ALMS1: variants seen among roughly 807,000 people sequenced by gnomAD.
The protein encoded by ALMS1 is centrosome-associated protein ALMS1.
ALMS1 carries 271 observed loss-of-function variants against 352.2 expected under a neutral mutation model. The observed-to-expected ratio is 0.77, with a 90% CI of 0.70 to 0.85. ALMS1 has a LOEUF of 0.85. Among genes scored for constraint, ALMS1 ranks in the 40% least tolerant of loss-of-function variants. ALMS1 has a pLI of 0.00. For missense variants in ALMS1, 5,445 were observed against 4,870.7 expected (o/e 1.12, Z -3.51); for synonymous variants, 1,865 against 1,761.2 (o/e 1.06, Z -1.48).
intron 10 of ALMS1, among the ~76,000 whole-genome samples, chr2:73,494,947 A>G (rs1194846834): frequency 6.6e-6 from 1 of 151,852 alleles, no homozygotes; most frequent in Non-Finnish European, 1.5e-5. Context: ...TGGTGTTTTA[A>G]TTTTTTTATG....
chr2:73,401,085 C>T (rs1269509523), intron 1 of ALMS1, among the ~76,000 whole-genome samples: 1 of 152,144 alleles, frequency 6.6e-6, no homozygotes, highest in East Asian at 1.9e-4. Flanking sequence ...CCATACCTGG[C>T]CTCATTTTTG....
chr2:73,572,934 A>C lies in ALMS1; in HGVS notation c.11057A>C (p.His3686Pro). 2 of 1,614,182 alleles carry C rather than the reference A, an allele frequency of 1.2e-6. No homozygotes were observed. The highest frequency in any genetic ancestry group is 1.6e-4 in the Middle Eastern group (1 of 6,062). The change falls in exon 16 of 23, where the codon CAT (histidine) becomes CCT (proline). Residue 3686 changes from histidine (H) to proline (P), a missense_variant. Physicochemically the swap from His to Pro is moderately conservative, Grantham distance 77. Coordinates refer to ENST00000613296, the MANE Select transcript of ALMS1 (RefSeq NM_001378454.1). ...CGGTTTAAAAGCCTAGAGAAAAGCC[A>C]TAAAAATACAGGCGAGCTTAAAAAA... Reference protein sequence around the residue: ...KKRFKSLEKSHKNTGELKKSK... With the variant: ...KKRFKSLEKSPKNTGELKKSK...
At chr2:73,462,116 T>G (rs1341114735) in intron 9 of ALMS1, among the ~76,000 whole-genome samples, 4 of 151,954 alleles carry the variant, frequency 2.6e-5, no homozygotes, top group Non-Finnish European at 5.9e-5. Flanking sequence ...GCCACAAAGA[T>G]ACTCCTCGAG....
At position 73,419,217 on chromosome 2, in the gene ALMS1, C is replaced by T. The variant is rs953812828; in HGVS notation, c.545C>T (p.Thr182Ile). 1.2e-6 allele frequency: 2 copies of T among 1,613,808 alleles called. No homozygotes were observed. Among genetic ancestry groups the T allele is most frequent in the Non-Finnish European group, 1.7e-6 (2 of 1,179,858 alleles). Residue 182 changes from threonine (T) to isoleucine (I), a missense_variant, in exon 3 of 23, where the codon ACT becomes ATT. Physicochemically the swap from Thr to Ile is moderately conservative, Grantham distance 89. Transcript: ENST00000613296. Reference protein sequence around the residue: ...QTRFNVRTEDTEVTDFPSLEE... With the variant: ...QTRFNVRTEDIEVTDFPSLEE... Reference sequence around the variant, plus strand: ...AGGTTTAATGTGAGAACGGAAGATACTGAAGTGACAGACTTCCCCTCTCTG... The same window carrying T: ...AGGTTTAATGTGAGAACGGAAGATATTGAAGTGACAGACTTCCCCTCTCTG...
At chr2:73,481,483 T>G (rs1365549092) in intron 9 of ALMS1, among the ~76,000 whole-genome samples, 13 of 152,312 alleles carry the variant, frequency 8.5e-5, no homozygotes, top group Admixed American at 5.9e-4. Context: ...ACTGTAGCCT[T>G]GTAGTATAGT....
intron 2 of ALMS1, among the ~76,000 whole-genome samples, chr2:73,416,581 T>C (rs1671185228): frequency 6.6e-6 from 1 of 152,192 alleles, no homozygotes; most frequent in African/African-American, 2.4e-5. Context: ...TGCGAAAATA[T>C]TTGTAAATTG....
intron 2 of ALMS1, among the ~76,000 whole-genome samples, chr2:73,414,180 A>G (rs934634202): frequency 4.6e-5 from 7 of 152,064 alleles, no homozygotes; most frequent in South Asian, 2.1e-4. Context: ...TTAGTTTATT[A>G]TTTCTCTTTA....
chr2:73,507,909 C>T (rs568917937), intron 10 of ALMS1, among the ~76,000 whole-genome samples: 1 of 152,150 alleles, frequency 6.6e-6, no homozygotes, highest in South Asian at 2.1e-4. Context: ...CTCCTGTGGG[C>T]ATTTAGTGCT....
chr2:73,451,194 C>T lies in ALMS1; in HGVS notation c.4667C>T (p.Pro1556Leu), dbSNP rs1292204961. 6.2e-7 allele frequency: 1 copy of T among 1,613,928 alleles called. No individual in the cohort carries two copies. Among genetic ancestry groups the T allele is most frequent in the Non-Finnish European group, 8.5e-7 (1 of 1,180,000 alleles). Reference sequence around the variant, plus strand: ...CTCAGAGTTTCTTCTGCTCCTGGACCAGCTGACCAGACAACTGGCATACCA... The same window carrying T: ...CTCAGAGTTTCTTCTGCTCCTGGACTAGCTGACCAGACAACTGGCATACCA... ...EALRVSSAPG[P>L]ADQTTGIPTI... The change falls in exon 8 of 23, where the codon CCA (proline) becomes CTA (leucine). Residue 1556 changes from proline (P) to leucine (L), a missense_variant. Transcript: ENST00000613296.
At chr2:73,596,879 C>CTTTTTTTTTT (rs1308774026) in intron 16 of ALMS1, among the ~76,000 whole-genome samples, 1 of 74,388 alleles carries the variant, frequency 1.3e-5, no homozygotes. Context: ...TTTTTTTTTT[C>CTTTTTTTTTT]TTTTTTTTTT....
intron 21 of ALMS1, among the ~76,000 whole-genome samples, chr2:73,607,082 ATCCTTCCATCTAAT>A: frequency 6.6e-6 from 1 of 152,376 alleles, no homozygotes. Context: ...ATCACTTATC[ATCCTTCCATCTAAT>A]GGAGGATGGG....
chr2:73,510,914 A>G (rs1292809366), intron 10 of ALMS1, among the ~76,000 whole-genome samples: 1 of 152,182 alleles, frequency 6.6e-6, no homozygotes, highest in Non-Finnish European at 1.5e-5. Context: ...TGCCCTGCCC[A>G]GAGAGGAGGA....
chr2:73,541,527 C>A (rs1046158038), intron 12 of ALMS1, among the ~76,000 whole-genome samples: 8 of 152,104 alleles, frequency 5.3e-5, no homozygotes, highest in African/African-American at 1.9e-4. Flanking sequence ...AAGAGCAGAA[C>A]TGAAGGAAAT....
At chr2:73,543,613 C>T (rs1011004829) in intron 12 of ALMS1, among the ~76,000 whole-genome samples, 6 of 152,148 alleles carry the variant, frequency 3.9e-5, no homozygotes, top group Admixed American at 2.0e-4. Context: ...TTGCTATCTA[C>T]CCATCTGATA....
intron 15 of ALMS1, among the ~76,000 whole-genome samples, chr2:73,568,462 A>C (rs189862974): frequency 2.6e-5 from 4 of 152,342 alleles, no homozygotes; most frequent in Admixed American, 2.6e-4. Flanking sequence ...CTTTGGAAGA[A>C]TAAACTATTG....
chr2:73,409,197 G>C (rs554085390), intron 2 of ALMS1, among the ~76,000 whole-genome samples: 4 of 152,042 alleles, frequency 2.6e-5, no homozygotes, highest in Non-Finnish European at 5.9e-5. Context: ...TTTTCTAATA[G>C]ATTGTTGTAA....
At chr2:73,571,256 C>G (rs1674920746) in intron 15 of ALMS1, among the ~76,000 whole-genome samples, 1 of 152,182 alleles carries the variant, frequency 6.6e-6, no homozygotes, top group Non-Finnish European at 1.5e-5. Context: ...CCCATCATTG[C>G]ATGTGTGTAT....
chr2:73,601,708 T>C (rs1474830406), intron 19 of ALMS1, among the ~76,000 whole-genome samples: 2 of 152,250 alleles, frequency 1.3e-5, no homozygotes, highest in Non-Finnish European at 2.9e-5. Context: ...TTATTGGGCC[T>C]GTGGGTCCCT....
chr2:73,585,946 G>A (rs1430158929), intron 16 of ALMS1, among the ~76,000 whole-genome samples: 1 of 151,978 alleles, frequency 6.6e-6, no homozygotes, highest in African/African-American at 2.4e-5. Context: ...TTGTATTTTA[G>A]TAGTGGTTTC....
Sources: gnomAD v4.1 joint callset for allele counts (sites outside exome capture counted in the v4.1 genomes callset) on GRCh38, gnomAD v4.1.1 for gene constraint, MANE v1.5 for transcripts, NCBI Gene and HGNC (gene_info 2026-07-23, HGNC 2026-07-21) for gene names.